The following GSE1 variants were observed in gnomAD, a reference collection of about 807,000 sequenced individuals.
GSE1 encodes Gse1 coiled-coil protein, also known as genetic suppressor element 1.
In GSE1, 32 loss-of-function variants were observed where a neutral mutation model predicts 112.6. That is an observed-to-expected ratio of 0.28 (90% confidence interval 0.21 to 0.38). The LOEUF (loss-of-function observed/expected upper bound fraction) is 0.38, where lower values mean the gene tolerates loss of function less well. GSE1 is among the 10% of genes least tolerant of loss of function. The pLI, the probability that GSE1 is intolerant of heterozygous loss-of-function variation, is 1.00. For synonymous variants in GSE1, 1,115 were observed against 735.6 expected, an observed-to-expected ratio of 1.52 and a Z score of -8.35; for missense variants, 2,348 against 1,699.2, an observed-to-expected ratio of 1.38 and a Z score of -6.71.
intron 1 of GSE1, among the ~76,000 whole-genome samples, chr16:85,256,299 C>T (rs1774289982): frequency 6.6e-6 from 1 of 152,186 alleles, no homozygotes; most frequent in Non-Finnish European, 1.5e-5. Context: ...ACAGCCAGCA[C>T]CTGTGGAGCA....
intron 2 of GSE1, among the ~76,000 whole-genome samples, chr16:85,513,651 C>T (rs1277610571): frequency 6.6e-6 from 1 of 152,172 alleles, no homozygotes. Context: ...CCCTCCTCCT[C>T]CAGGAAGCAG....
intron 2 of GSE1, among the ~76,000 whole-genome samples, chr16:85,400,704 TTGTA>T (rs1329027914): frequency 1.3e-5 from 2 of 151,768 alleles, no homozygotes; most frequent in Non-Finnish European, 2.9e-5. Context: ...TTTGTATGTG[TTGTA>T]TGTGTCTGTG....
At chr16:85,481,049 G>A (rs563550219) in intron 2 of GSE1, among the ~76,000 whole-genome samples, 80 of 152,298 alleles carry the variant, frequency 5.3e-4, no homozygotes, top group African/African-American at 1.7e-3. Context: ...GGGCCGCTCG[G>A]CCTCCGGCCT....
At position 85,523,750 on chromosome 16, in the gene GSE1, C is replaced by T. The variant is rs149986020; in HGVS notation, c.2465-110164C>T. Among the ~76,000 whole-genome samples, 292 of 152,368 alleles carry T rather than the reference C, an allele frequency of 1.9e-3. 1 individual carries two copies. The highest frequency in any genetic ancestry group is 3.5e-3 in the Non-Finnish European group (235 of 68,034). On this transcript the variant is annotated intron_variant, in intron 2 of 2. Coordinates refer to the GSE1 transcript ENST00000637419. Reference sequence around the variant, plus strand: ...GGGAGACACTGAGAGTCTTAGCTGCCTGGCCTGGTAGCTCAGTCTAGGTGT... The same window carrying T: ...GGGAGACACTGAGAGTCTTAGCTGCTTGGCCTGGTAGCTCAGTCTAGGTGT...
intron 2 of GSE1, among the ~76,000 whole-genome samples, chr16:85,425,794 A>C (rs960208732): frequency 3.3e-5 from 5 of 152,226 alleles, no homozygotes; most frequent in Non-Finnish European, 7.3e-5. Flanking sequence ...AGTAACTTTT[A>C]CTTTGGTTAA....
intron 1 of GSE1, among the ~76,000 whole-genome samples, chr16:85,221,887 G>A (rs73257925): frequency 0.039 from 5,973 of 152,260 alleles, 399 homozygotes; most frequent in African/African-American, 0.14. Context: ...GCCTCTGATG[G>A]AGAGGCCAGC....
Position 85,616,064 on chromosome 16 carries a change from G to A in GSE1, c.7+2666G>A, listed in dbSNP as rs534934174. 6.2e-3 allele frequency among the ~76,000 whole-genome samples: 949 copies of A among 152,368 alleles called. 14 individuals carry two copies. The highest frequency in any genetic ancestry group is 9.8e-3 in the Non-Finnish European group (668 of 68,034). On this transcript the variant is annotated intron_variant, in intron 1 of 15. Transcript: ENST00000253458. Reference sequence around the variant, plus strand: ...AGTGCCTTGTGGTTTCAGAGCAGAAGCCAAGCCTGCCTGTGGGCTCAGCAT... The same window carrying A: ...AGTGCCTTGTGGTTTCAGAGCAGAAACCAAGCCTGCCTGTGGGCTCAGCAT...
intron 1 of GSE1, among the ~76,000 whole-genome samples, chr16:85,195,258 G>A (rs938128782): frequency 5.3e-5 from 8 of 152,294 alleles, no homozygotes; most frequent in East Asian, 3.9e-4. Flanking sequence ...TATTTGGAGC[G>A]GGGGTGAACG....
upstream of GSE1, among the ~76,000 whole-genome samples, chr16:85,612,712 G>GA (rs992825010): frequency 2.6e-5 from 4 of 151,498 alleles, no homozygotes; most frequent in African/African-American, 4.9e-5. Context: ...GGGGGGTGGG[G>GA]CTTGGGTACA....
intron 2 of GSE1, among the ~76,000 whole-genome samples, chr16:85,495,428 A>T (rs546641256): frequency 4.5e-5 from 5 of 110,570 alleles, no homozygotes; most frequent in Non-Finnish European, 7.4e-5. Context: ...TGCTGGGAAC[A>T]TTTTATTTAT....
At chr16:85,319,293 A>G (rs918484415) in intron 1 of GSE1, among the ~76,000 whole-genome samples, 7 of 152,236 alleles carry the variant, frequency 4.6e-5, no homozygotes, top group African/African-American at 1.7e-4. Flanking sequence ...GTGCCAGGGC[A>G]CTGGGTGGGA....
chr16:85,178,588 G>A (rs1200928476), intron 1 of GSE1, among the ~76,000 whole-genome samples: 2 of 152,018 alleles, frequency 1.3e-5, no homozygotes, highest in East Asian at 1.9e-4. Flanking sequence ...GCTGACGGAC[G>A]GCATCGTGGG....
chr16:85,271,681 C>G (rs933516224), intron 1 of GSE1, among the ~76,000 whole-genome samples: 4 of 152,192 alleles, frequency 2.6e-5, no homozygotes, highest in African/African-American at 9.6e-5. Flanking sequence ...TCAGAGACAC[C>G]AGGGGCCTGT....
chr16:85,246,500 A>T (rs866026342), intron 1 of GSE1, among the ~76,000 whole-genome samples: 4 of 18,500 alleles, frequency 2.2e-4, no homozygotes, highest in African/African-American at 3.4e-4. Context: ...CACTCTACAC[A>T]CCCCCCCCCC....
At chr16:85,545,514 C>A (rs1266494000) in intron 2 of GSE1, among the ~76,000 whole-genome samples, 1 of 152,140 alleles carries the variant, frequency 6.6e-6, no homozygotes, top group African/African-American at 2.4e-5. Flanking sequence ...AAATACAGGG[C>A]CTGGCTTCCG....
intron 1 of GSE1, among the ~76,000 whole-genome samples, chr16:85,301,100 C>T (rs977953034): frequency 1.6e-4 from 24 of 152,352 alleles, no homozygotes; most frequent in Non-Finnish European, 3.4e-4. Flanking sequence ...AAACCTTCCC[C>T]AGACCCCCAG....
chr16:85,193,435 G>A (rs1175306571), intron 1 of GSE1, among the ~76,000 whole-genome samples: 1 of 151,358 alleles, frequency 6.6e-6, no homozygotes, highest in Non-Finnish European at 1.5e-5. Flanking sequence ...TTGAACTCCT[G>A]GGCTCACCTG....
intron 1 of GSE1, among the ~76,000 whole-genome samples, chr16:85,251,250 A>G (rs1029608914): frequency 6.6e-6 from 1 of 152,248 alleles, no homozygotes; most frequent in Non-Finnish European, 1.5e-5. Context: ...CCTTGCCCTC[A>G]GGCTGCTTTG....
At chr16:85,602,909 G>A (rs1297494276) in intron 1 of GSE1, among the ~76,000 whole-genome samples, 2 of 152,242 alleles carry the variant, frequency 1.3e-5, no homozygotes, top group Non-Finnish European at 2.9e-5. Context: ...TCTGGGACCG[G>A]AGCGGGGCGC....
Sources: allele counts gnomAD v4.1 joint callset (sites outside exome capture counted in the v4.1 genomes callset), GRCh38; gene constraint gnomAD v4.1.1; transcripts MANE v1.5; gene names NCBI Gene and HGNC (gene_info 2026-07-23, HGNC 2026-07-21).